Variants in TNFRSF11A observed in about 807,000 individuals in gnomAD.
TNFRSF11A encodes TNF receptor superfamily member 11a.
In TNFRSF11A, 32 loss-of-function variants were observed where a neutral mutation model predicts 55.7. The ratio of observed to expected loss-of-function variants is 0.57; its 90% CI spans 0.43 to 0.77. The LOEUF is 0.77. Among genes scored for constraint, TNFRSF11A ranks in the 30% least tolerant of loss-of-function variants. TNFRSF11A has a pLI of 0.00. For missense variants in TNFRSF11A, 753 were observed against 809.8 expected (o/e 0.93, Z 0.85); for synonymous variants, 311 against 331.0 (o/e 0.94, Z 0.65).
intron 1 of TNFRSF11A, among the ~76,000 whole-genome samples, chr18:62,333,767 C>A (rs982631401): frequency 2.6e-5 from 4 of 152,072 alleles, no homozygotes; most frequent in Non-Finnish European, 5.9e-5. Flanking sequence ...GGACAGAAAG[C>A]TTTTTGGTAT....
intron 1 of TNFRSF11A, among the ~76,000 whole-genome samples, chr18:62,342,508 C>A (rs570576832): frequency 1.3e-5 from 2 of 151,376 alleles, no homozygotes; most frequent in East Asian, 1.9e-4. Context: ...CTGGGCCTCA[C>A]GTGATTCCTG....
At chr18:62,337,020 A>T (rs7237982) in intron 1 of TNFRSF11A, among the ~76,000 whole-genome samples, 5 of 151,910 alleles carry the variant, frequency 3.3e-5, no homozygotes, top group Non-Finnish European at 5.9e-5. Flanking sequence ...AGGTGGTCAG[A>T]GGGGGAAATG....
At chr18:62,364,785 G>A (rs769556936) in intron 7 of TNFRSF11A, among the ~76,000 whole-genome samples, 3 of 151,980 alleles carry the variant, frequency 2.0e-5, no homozygotes, top group Non-Finnish European at 2.9e-5. Flanking sequence ...CGTGTACTAC[G>A]TACATCTTCA....
intron 1 of TNFRSF11A, among the ~76,000 whole-genome samples, chr18:62,337,259 A>G (rs2046248490): frequency 6.6e-6 from 1 of 152,186 alleles, no homozygotes. Flanking sequence ...TTTTTATGTT[A>G]TGTGTATTTT....
intron 1 of TNFRSF11A, among the ~76,000 whole-genome samples, chr18:62,328,257 T>A (rs545462837): frequency 1.3e-5 from 2 of 151,758 alleles, no homozygotes; most frequent in Non-Finnish European, 2.9e-5. Context: ...GCTGGAGGAA[T>A]CCCTAAGGAC....
chr18:62,343,933 T>A (rs1321173419), intron 1 of TNFRSF11A, among the ~76,000 whole-genome samples: 2 of 152,242 alleles, frequency 1.3e-5, no homozygotes, highest in Non-Finnish European at 2.9e-5. Flanking sequence ...TATTTTCAGC[T>A]TATTGATTAA....
In TNFRSF11A at chr18:62,383,021, A is replaced by G. The variant is rs922003021; in HGVS notation, c.1568-1730A>G. On this transcript the variant is annotated intron_variant, in intron 9 of 9. Transcript: ENST00000586569. The surrounding 1 kb of genome is among the most constrained non-coding windows in gnomAD (Gnocchi z 4.2). Reference sequence around the variant, plus strand: ...TAGATACAGTGGTGAGCAGACCCTCACTGGAGTACGCTGCATGCCTGGCAA... The same window carrying G: ...TAGATACAGTGGTGAGCAGACCCTCGCTGGAGTACGCTGCATGCCTGGCAA... 6.6e-6 allele frequency among the ~76,000 whole-genome samples: 1 copy of G among 152,148 alleles called. No individual in the cohort carries two copies. The highest frequency in any genetic ancestry group is 1.5e-5 in the Non-Finnish European group (1 of 68,024).
At chr18:62,355,189 T>A (rs1426261081) in intron 4 of TNFRSF11A, among the ~76,000 whole-genome samples, 1 of 152,242 alleles carries the variant, frequency 6.6e-6, no homozygotes, top group Non-Finnish European at 1.5e-5. Flanking sequence ...ATATATTTTT[T>A]ATGCTTGGAG....
chr18:62,372,336 T>C (rs1910611418), intron 9 of TNFRSF11A, among the ~76,000 whole-genome samples: 1 of 152,218 alleles, frequency 6.6e-6, no homozygotes, highest in Non-Finnish European at 1.5e-5. Flanking sequence ...ATTCTCACTG[T>C]GCCCCTAGAG....
In TNFRSF11A at chr18:62,358,306, CT is replaced by C; in HGVS notation, c.490del (p.Ser164ProfsTer19). 1 of 1,613,214 alleles carries C rather than the reference CT, an allele frequency of 6.2e-7. No homozygotes were observed. ...GCCTTGCAGGCTACTTCTCTGATGC[CT>C]TTTCCTCCACGGACAAATGCAGACC... ...PCLAGYFSDA[F>X]SSTDKCRPWT... On this transcript the variant is annotated frameshift_variant, in exon 5 of 10. Transcript: ENST00000586569. LOFTEE classifies it high-confidence loss of function.
chr18:62,326,746 T>G (rs1169245274), intron 1 of TNFRSF11A, among the ~76,000 whole-genome samples: 1 of 152,234 alleles, frequency 6.6e-6, no homozygotes, highest in Non-Finnish European at 1.5e-5. Flanking sequence ...CAAATGCTGT[T>G]TCCCGTCTTT....
intron 9 of TNFRSF11A, among the ~76,000 whole-genome samples, chr18:62,372,189 A>G (rs994436181): frequency 6.6e-6 from 1 of 152,150 alleles, no homozygotes; most frequent in Non-Finnish European, 1.5e-5. Flanking sequence ...AATGATTAGC[A>G]AAGATCAGTG....
chr18:62,349,497 A>G (rs2046433765), intron 2 of TNFRSF11A, among the ~76,000 whole-genome samples: 1 of 152,102 alleles, frequency 6.6e-6, no homozygotes, highest in Non-Finnish European at 1.5e-5. Context: ...TCTATTCCTT[A>G]GCAGACTTTT....
At chr18:62,348,580 G>T (rs2046419245) in intron 2 of TNFRSF11A, among the ~76,000 whole-genome samples, 4 of 152,334 alleles carry the variant, frequency 2.6e-5, no homozygotes, top group Non-Finnish European at 5.9e-5. Flanking sequence ...TCTCAAATGT[G>T]AAATGCAGCT....
chr18:62,339,039 A>G (rs565098165), intron 1 of TNFRSF11A, among the ~76,000 whole-genome samples: 2 of 152,220 alleles, frequency 1.3e-5, no homozygotes, highest in East Asian at 3.9e-4. Flanking sequence ...TTCCTCCATG[A>G]GATCCTAGCC....
At chr18:62,339,691 A>G (rs2046284253) in intron 1 of TNFRSF11A, among the ~76,000 whole-genome samples, 1 of 152,188 alleles carries the variant, frequency 6.6e-6, no homozygotes, top group Non-Finnish European at 1.5e-5. Flanking sequence ...ATGACAGCAG[A>G]ACTTCGTAAA....
intron 1 of TNFRSF11A, among the ~76,000 whole-genome samples, chr18:62,346,794 G>T (rs1345594399): frequency 4.6e-5 from 7 of 152,264 alleles, no homozygotes; most frequent in Non-Finnish European, 1.0e-4. Context: ...AGGATGCATG[G>T]CTTTTTCCAA....
intron 8 of TNFRSF11A, among the ~76,000 whole-genome samples, chr18:62,367,897 G>A (rs141655367): frequency 0.087 from 12,623 of 145,048 alleles, 678 homozygotes; most frequent in East Asian, 0.15. Flanking sequence ...AGGTTCAAGC[G>A]ATTCTTCTGC....
chr18:62,347,931 A>C (rs546543843), intron 1 of TNFRSF11A, among the ~76,000 whole-genome samples: 26 of 150,304 alleles, frequency 1.7e-4, no homozygotes, highest in East Asian at 9.9e-4. Flanking sequence ...ACAAAAAAAA[A>C]CCCTGTAATC....
Sources: gnomAD v4.1 joint callset for allele counts (sites outside exome capture counted in the v4.1 genomes callset) on GRCh38, gnomAD v4.1.1 for gene constraint, Gnocchi (gnomAD v3.1) non-coding constraint, MANE v1.5 for transcripts, NCBI Gene and HGNC (gene_info 2026-07-23, HGNC 2026-07-21) for gene names.